Variants in UNC5D observed in about 807,000 individuals in gnomAD.
UNC5D encodes unc-5 netrin receptor D.
A neutral mutation model predicts 105.4 loss-of-function variants in UNC5D; 39 were observed. The ratio of observed to expected loss-of-function variants is 0.37; its 90% CI spans 0.29 to 0.48. UNC5D has a LOEUF of 0.48. UNC5D is among the 20% of genes least tolerant of loss of function. UNC5D has a pLI of 0.98. For synonymous variants in UNC5D, 452 were observed against 450.4 expected (o/e 1.00, Z -0.04); for missense variants, 991 against 1,202.4 (o/e 0.82, Z 2.60).
chr8:35,696,117 TTACTAGACTG>T (rs1007773899), intron 7 of UNC5D, among the ~76,000 whole-genome samples: 2 of 152,098 alleles, frequency 1.3e-5, no homozygotes, highest in Non-Finnish European at 2.9e-5. Context: ...AACATATGCA[TTACTAGACTG>T]TACTAGACTG....
At chr8:35,728,095 A>AAATATAT (rs34672872) in intron 10 of UNC5D, among the ~76,000 whole-genome samples, 5 of 110,362 alleles carry the variant, frequency 4.5e-5, no homozygotes, top group South Asian at 6.5e-4. Flanking sequence ...AAAAAAAAAA[A>AAATATAT]ATATATATAT....
In UNC5D at chr8:35,239,150, A is replaced by G. The variant is rs543847327; in HGVS notation, c.103+3263A>G. ...TTAATTGTTCTGACCTAGCCCTATA[A>G]TGATAGCACTTGTCACCCTTTGCAT... On this transcript the variant is annotated intron_variant, in intron 1 of 16. Transcript: ENST00000404895. 2.6e-5 allele frequency among the ~76,000 whole-genome samples: 4 copies of G among 152,272 alleles called. No individual in the cohort carries two copies. The East Asian group carries it at 7.7e-4, about 29-fold the overall frequency.
chr8:35,382,755 A>G (rs1474674267), intron 1 of UNC5D, among the ~76,000 whole-genome samples: 2 of 152,152 alleles, frequency 1.3e-5, no homozygotes, highest in Non-Finnish European at 2.9e-5. Flanking sequence ...CAGCTTACAC[A>G]CTGCTTGGAT....
At chr8:35,351,768 A>G (rs1812256289) in intron 1 of UNC5D, among the ~76,000 whole-genome samples, 1 of 152,176 alleles carries the variant, frequency 6.6e-6, no homozygotes, top group Non-Finnish European at 1.5e-5. Flanking sequence ...ATAAGGGTTT[A>G]ATTTTATTTT....
intron 1 of UNC5D, among the ~76,000 whole-genome samples, chr8:35,359,949 T>C (rs1404070603): frequency 1.3e-5 from 2 of 152,190 alleles, no homozygotes; most frequent in Non-Finnish European, 2.9e-5. Flanking sequence ...ATAATTAGGC[T>C]CTCAGGTATA....
chr8:35,431,266 C>T (rs542879247), intron 1 of UNC5D, among the ~76,000 whole-genome samples: 14 of 152,192 alleles, frequency 9.2e-5, no homozygotes, highest in African/African-American at 3.4e-4. Flanking sequence ...TGAGGATGTC[C>T]ATGACTCAGT....
At chr8:35,595,753 GC>G in intron 4 of UNC5D, 96 bp downstream of exon 4, 1 of 1,061,086 alleles carries the variant, frequency 9.4e-7, no homozygotes, top group Non-Finnish European at 1.4e-6. Context: ...AAGTAAAGGA[GC>G]CCATGTCTGG....
intron 4 of UNC5D, among the ~76,000 whole-genome samples, chr8:35,634,492 G>C (rs1822234311): frequency 6.6e-6 from 1 of 152,174 alleles, no homozygotes. Context: ...GCTCCTGTTA[G>C]AGCTTTGTGA....
chr8:35,667,539 GATTCTACCTGTAA>G (rs1271725280), intron 4 of UNC5D, among the ~76,000 whole-genome samples: 2 of 152,174 alleles, frequency 1.3e-5, no homozygotes, highest in Non-Finnish European at 2.9e-5. Flanking sequence ...CCAGGAAATG[GATTCTACCTGTAA>G]AACAGAGAGC....
intron 1 of UNC5D, among the ~76,000 whole-genome samples, chr8:35,356,626 G>GTT (rs35841172): frequency 1.0e-4 from 15 of 147,330 alleles, no homozygotes; most frequent in Admixed American, 4.7e-4. Flanking sequence ...CATCAACAAA[G>GTT]TTTTTTTTTT....
chr8:35,659,184 G>A (rs72634968), intron 4 of UNC5D, among the ~76,000 whole-genome samples: 1,696 of 152,192 alleles, frequency 0.011, 17 homozygotes, highest in Middle Eastern at 0.024. Flanking sequence ...TGAATTGAGA[G>A]TATGGAGTGT....
intron 1 of UNC5D, among the ~76,000 whole-genome samples, chr8:35,456,009 A>G (rs1486092853): frequency 6.6e-6 from 1 of 152,284 alleles, no homozygotes; most frequent in South Asian, 2.1e-4. Flanking sequence ...TTTGAAACAA[A>G]TATACAAAAC....
At chr8:35,329,067 A>C (rs148343299) in intron 1 of UNC5D, among the ~76,000 whole-genome samples, 13 of 152,252 alleles carry the variant, frequency 8.5e-5, no homozygotes, top group Non-Finnish European at 1.2e-4. Context: ...TCTCCAATTT[A>C]AAACAATGTT....
chr8:35,254,635 C>T (rs372344184), intron 1 of UNC5D: 1 of 152,210 alleles, frequency 6.6e-6, no homozygotes, highest in Non-Finnish European at 1.5e-5. Context: ...GTTCATGCCC[C>T]TTGTTCAGGA....
chr8:35,327,875 C>T (rs1226894746), intron 1 of UNC5D, among the ~76,000 whole-genome samples: 3 of 152,182 alleles, frequency 2.0e-5, no homozygotes, highest in Non-Finnish European at 2.9e-5. Flanking sequence ...GAGGTGGCAG[C>T]TGTTAGATAC....
intron 1 of UNC5D, among the ~76,000 whole-genome samples, chr8:35,476,608 T>C (rs578128540): frequency 7.6e-4 from 116 of 152,318 alleles, no homozygotes; most frequent in South Asian, 3.7e-3. Flanking sequence ...CCACTGCCAA[T>C]GACAAGTGTC....
intron 1 of UNC5D, among the ~76,000 whole-genome samples, chr8:35,333,842 C>T (rs1188216074): frequency 6.6e-6 from 1 of 152,116 alleles, no homozygotes; most frequent in Non-Finnish European, 1.5e-5. Flanking sequence ...ATACAGGGTA[C>T]TTTACTACAG....
chr8:35,354,549 T>C (rs563773692), intron 1 of UNC5D, among the ~76,000 whole-genome samples: 1 of 152,314 alleles, frequency 6.6e-6, no homozygotes, highest in South Asian at 2.1e-4. Context: ...CCCACCATCA[T>C]TGATCCGACC....
At chr8:35,411,799 T>TA (rs1187290152) in intron 1 of UNC5D, among the ~76,000 whole-genome samples, 14 of 152,046 alleles carry the variant, frequency 9.2e-5, no homozygotes, top group Admixed American at 9.2e-4. Context: ...TAATTTTTTT[T>TA]ATCAATGTTT....
Sources: gnomAD v4.1 joint callset for allele counts (sites outside exome capture counted in the v4.1 genomes callset) on GRCh38, gnomAD v4.1.1 for gene constraint, MANE v1.5 for transcripts, NCBI Gene and HGNC (gene_info 2026-07-23, HGNC 2026-07-21) for gene names.